The following ZFHX3 variants were observed in gnomAD, a reference collection of about 807,000 sequenced individuals.
ZFHX3 encodes the protein zinc finger homeobox 3.
In ZFHX3, 42 loss-of-function variants were observed where a neutral mutation model predicts 279.1. That is an observed-to-expected ratio of 0.15 (90% CI 0.12 to 0.19). ZFHX3 has a LOEUF of 0.19. Among genes scored for constraint, ZFHX3 ranks in the 10% least tolerant of loss-of-function variants. ZFHX3 has a pLI of 1.00. For synonymous variants in ZFHX3, 2,293 were observed against 1,957.8 expected (o/e 1.17, Z -4.52); for missense variants, 4,981 against 4,754.0 (o/e 1.05, Z -1.40).
At chr16:73,469,635 T>G (rs80071868) in intron 2 of ZFHX3, among the ~76,000 whole-genome samples, 1 of 151,982 alleles carries the variant, frequency 6.6e-6, no homozygotes, top group South Asian at 2.1e-4. Context: ...ATATTTTTTT[T>G]GAGACAGAAT....
At chr16:73,854,342 A>G (rs569149861) in intron 1 of ZFHX3, among the ~76,000 whole-genome samples, 2 of 152,248 alleles carry the variant, frequency 1.3e-5, no homozygotes, top group African/African-American at 4.8e-5. Context: ...CCTGGCCAAC[A>G]TGGTGACACT....
At chr16:72,874,890 G>A (rs1235168217) in intron 4 of ZFHX3, among the ~76,000 whole-genome samples, 1 of 152,098 alleles carries the variant, frequency 6.6e-6, no homozygotes, top group East Asian at 1.9e-4. Context: ...ACCTTCTGCT[G>A]TCTTCATAGC....
At chr16:73,664,121 A>C (rs555941327) in intron 2 of ZFHX3, among the ~76,000 whole-genome samples, 4 of 152,374 alleles carry the variant, frequency 2.6e-5, no homozygotes, top group Admixed American at 1.3e-4. Flanking sequence ...TGTGAGAAAA[A>C]GAAAACTCTT....
At chr16:72,891,440 G>C (rs1049871902) in intron 3 of ZFHX3, among the ~76,000 whole-genome samples, 1 of 152,196 alleles carries the variant, frequency 6.6e-6, no homozygotes, top group Non-Finnish European at 1.5e-5. Flanking sequence ...CAATGTTTCT[G>C]AGTCTCCTGG....
At chr16:72,799,129 G>T (rs2036015145) in intron 8 of ZFHX3, among the ~76,000 whole-genome samples, 1 of 152,206 alleles carries the variant, frequency 6.6e-6, no homozygotes, top group South Asian at 2.1e-4. Flanking sequence ...TAGCACAGTA[G>T]ATCTGAAGTG....
intron 1 of ZFHX3, among the ~76,000 whole-genome samples, chr16:73,879,143 G>A (rs1348848582): frequency 6.6e-6 from 1 of 151,364 alleles, no homozygotes; most frequent in African/African-American, 2.4e-5. Context: ...GCGACCTTGG[G>A]GTCCTTTTCT....
chr16:72,989,239 C>T (rs969928340), intron 1 of ZFHX3, among the ~76,000 whole-genome samples: 16 of 151,592 alleles, frequency 1.1e-4, no homozygotes, highest in African/African-American at 3.9e-4. Context: ...AATACCAGCA[C>T]CTTGGGAGGC....
chr16:73,833,653 A>G (rs948347039), intron 1 of ZFHX3, among the ~76,000 whole-genome samples: 6 of 151,968 alleles, frequency 3.9e-5, no homozygotes, highest in African/African-American at 1.4e-4. Context: ...TACCTAATGT[A>G]GATGATGGGT....
chr16:72,783,568 C>G lies in ZFHX3; in HGVS notation c.*3596G>C, dbSNP rs1317017739. Reference sequence around the variant, plus strand: ...TGTGTAAAACTTTGGCCACATTCATCTCTTTAAATAGCTTGTAATTAAAAA... The same window carrying G: ...TGTGTAAAACTTTGGCCACATTCATGTCTTTAAATAGCTTGTAATTAAAAA... On this transcript the variant is annotated 3_prime_UTR_variant, in exon 10 of 10. Transcript: ENST00000268489. The G allele has an allele frequency of 6.6e-6, 1 of 152,358 alleles. No homozygotes were observed. Among genetic ancestry groups the G allele is most frequent in the Non-Finnish European group, 1.5e-5 (1 of 68,030 alleles). 9.4% of individuals were successfully genotyped at this position (152,358 alleles called of 1,614,324 possible). A position where few individuals can be genotyped will look rare whatever the true frequency, so the allele number is the denominator to read the frequency against.
chr16:73,377,025 G>C (rs977574951), intron 3 of ZFHX3, among the ~76,000 whole-genome samples: 4 of 142,358 alleles, frequency 2.8e-5, no homozygotes, highest in African/African-American at 1.1e-4. Flanking sequence ...AGTCTGGACT[G>C]CAATGGCACC....
intron 2 of ZFHX3, among the ~76,000 whole-genome samples, chr16:73,635,154 T>A (rs531836446): frequency 6.6e-6 from 1 of 152,266 alleles, no homozygotes. Context: ...TTTTCCTAGG[T>A]AATCTTGTCA....
intron 3 of ZFHX3, among the ~76,000 whole-genome samples, chr16:72,932,500 T>C (rs1731984252): frequency 6.6e-6 from 1 of 151,872 alleles, no homozygotes; most frequent in Non-Finnish European, 1.5e-5. Flanking sequence ...ACACACTTAG[T>C]GCTTGAAGGA....
chr16:73,221,569 A>T (rs897460398), intron 5 of ZFHX3, among the ~76,000 whole-genome samples: 17 of 152,166 alleles, frequency 1.1e-4, no homozygotes, highest in Non-Finnish European at 2.2e-4. Flanking sequence ...GAACTTACTC[A>T]TGTAACCAAA....
At chr16:73,032,267 A>G (rs768298395) in intron 1 of ZFHX3, among the ~76,000 whole-genome samples, 40 of 152,122 alleles carry the variant, frequency 2.6e-4, no homozygotes, top group Admixed American at 1.3e-4. Context: ...GTATCACTAC[A>G]CTCCAGCCTG....
chr16:73,412,958 A>T (rs1300462193), intron 3 of ZFHX3, among the ~76,000 whole-genome samples: 1 of 152,226 alleles, frequency 6.6e-6, no homozygotes, highest in East Asian at 1.9e-4. Flanking sequence ...AGGAGCGATC[A>T]ACTCACCAAC....
At chr16:73,133,543 C>T (rs571993641) in intron 6 of ZFHX3, among the ~76,000 whole-genome samples, 2 of 152,174 alleles carry the variant, frequency 1.3e-5, no homozygotes, top group South Asian at 2.1e-4. Context: ...AGAGGAGATT[C>T]GGACACAGAC....
At chr16:73,000,263 G>A (rs571205530) in intron 1 of ZFHX3, among the ~76,000 whole-genome samples, 3 of 152,348 alleles carry the variant, frequency 2.0e-5, no homozygotes, top group Non-Finnish European at 4.4e-5. Context: ...CGAAGGGCAC[G>A]CGGTGAAAGG....
chr16:73,729,018 T>C (rs1054306445), intron 1 of ZFHX3, among the ~76,000 whole-genome samples: 1 of 152,094 alleles, frequency 6.6e-6, no homozygotes, highest in African/African-American at 2.4e-5. Context: ...GGGAAGAAGG[T>C]AGGTCTGAAG....
At chr16:73,721,843 G>A (rs115173160) in intron 1 of ZFHX3, among the ~76,000 whole-genome samples, 3,068 of 152,206 alleles carry the variant, frequency 0.02, 104 homozygotes, top group African/African-American at 0.07. Flanking sequence ...CCAGGAGTTC[G>A]AGAACAGCCT....
Sources: allele counts gnomAD v4.1 joint callset (sites outside exome capture counted in the v4.1 genomes callset), GRCh38; gene constraint gnomAD v4.1.1; transcripts MANE v1.5; gene names NCBI Gene and HGNC (gene_info 2026-07-23, HGNC 2026-07-21).